Variants in GIGYF1 observed in about 807,000 individuals in gnomAD.
GIGYF1 encodes GRB10-interacting GYF protein 1.
A neutral mutation model predicts 147.1 loss-of-function variants in GIGYF1; 84 were observed. The ratio of observed to expected loss-of-function variants is 0.57; its 90% CI spans 0.48 to 0.68. The LOEUF (loss-of-function observed/expected upper bound fraction) is 0.68. Among genes scored for constraint, GIGYF1 ranks in the 30% least tolerant of loss-of-function variants. The probability of loss-of-function intolerance (pLI) is 0.00; values close to 1 mark genes in which losing one functional copy is unlikely to be tolerated. For missense variants in GIGYF1, 1,485 were observed against 1,393.7 expected, an observed-to-expected ratio of 1.07 and a Z score of -1.04; for synonymous variants, 752 against 589.5, an observed-to-expected ratio of 1.28 and a Z score of -3.99.
chr7:100,682,824 A>T, intron 22 of GIGYF1, 47 bp from the exon 23 acceptor site: 1 of 1,496,910 alleles, frequency 6.7e-7, no homozygotes. Context: ...GGCACCCCAG[A>T]AAAGCGGATG....
Position 100,686,053 on chromosome 7 carries a change from C to T in GIGYF1, c.975G>A (p.Glu325=), listed in dbSNP as rs768847572. 41 of 1,612,712 alleles carry T rather than the reference C, an allele frequency of 2.5e-5. No individual in the cohort carries two copies. The highest frequency in any genetic ancestry group is 3.0e-5 in the Non-Finnish European group (35 of 1,179,960). The stretch of plus-strand genomic sequence containing the variant: ...ACCCTTGGAAGTCCAGCTCCTGCTC[C>T]TCAGGAATGGGCTCCTTGGGGCCCT... ...LKKGPKEPIP[E]EQELDFQGLE... The change falls in exon 12 of 27, where the codon GAG becomes GAA. Residue 325 remains glutamate (E), a synonymous_variant. Coordinates refer to ENST00000678049, the MANE Select transcript of GIGYF1 (RefSeq NM_001375765.1).
chr7:100,690,592 GC>G (rs1440574094), intron 1 of GIGYF1, among the ~76,000 whole-genome samples: 1 of 152,108 alleles, frequency 6.6e-6, no homozygotes, highest in East Asian at 1.9e-4. Flanking sequence ...GACCAGCCTG[GC>G]CAACGTGGCA....
intron 8 of GIGYF1, 38 bp downstream of exon 8, chr7:100,687,260 C>T (rs1382423523): frequency 1.3e-6 from 2 of 1,590,312 alleles, no homozygotes. Context: ...CCCTCCCTGG[C>T]CTGCCCGGCT....
chr7:100,682,282 G>C, intron 24 of GIGYF1, 40 bp downstream of exon 24: 1 of 1,608,320 alleles, frequency 6.2e-7, no homozygotes, highest in Non-Finnish European at 8.5e-7. Flanking sequence ...CGGGTCTGGA[G>C]ACCCAGGTCC....
chr7:100,684,691 C>T (rs1805144698), intron 15 of GIGYF1, 32 bp downstream of exon 15: 1 of 1,611,018 alleles, frequency 6.2e-7, no homozygotes, highest in Non-Finnish European at 8.5e-7. Context: ...ACCAGAACGG[C>T]CTTGAGCAGC....
At position 100,682,256 on chromosome 7, in the gene GIGYF1, G is replaced by C. The variant is rs771162903; in HGVS notation, c.2762-21C>G. On this transcript the variant is annotated intron_variant, in intron 24 of 26. Transcript: ENST00000678049. ...GGGCACTGCAGGATGAGCGAAGGCT[G>C]TCAGGGCCCCCTGGCCGGGTCTGGA... The C allele has an allele frequency of 1.9e-5, 31 of 1,608,644 alleles. 1 individual carries two copies. In the South Asian group the frequency reaches 2.2e-4, roughly 11 times the overall value.
At position 100,682,253 on chromosome 7, in the gene GIGYF1, G is replaced by A. The variant is rs749471011; in HGVS notation, c.2762-18C>T. ...CATGGGCACTGCAGGATGAGCGAAG[G>A]CTGTCAGGGCCCCCTGGCCGGGTCT... On this transcript the variant is annotated intron_variant, in intron 24 of 26. Transcript: ENST00000678049. 9.9e-6 allele frequency: 16 copies of A among 1,608,592 alleles called. No individual in the cohort carries two copies. In the South Asian group the frequency reaches 1.2e-4, roughly 12 times the overall value.
chr7:100,685,563 G>T, intron 12 of GIGYF1, 82 bp from the exon 13 acceptor site: 2 of 1,497,314 alleles, frequency 1.3e-6, no homozygotes, highest in Non-Finnish European at 1.8e-6. Flanking sequence ...AGTGTGGCTG[G>T]AACCGCGGGT....
At chr7:100,688,342 C>T (rs1032595456) in intron 3 of GIGYF1, 35 bp from the exon 4 acceptor site, 17 of 1,017,050 alleles carry the variant, frequency 1.7e-5, no homozygotes, top group East Asian at 1.0e-4. Flanking sequence ...GAACAGCACA[C>T]GAAGGAGAAC....
rs1345694345 is a variant in GIGYF1 at position 100,685,387 on chromosome 7, C to A, written c.1149G>T (p.Gly383=). 1 of 1,593,836 alleles carries A rather than the reference C, an allele frequency of 6.3e-7. No individual in the cohort carries two copies. Among genetic ancestry groups the A allele is most frequent in the Non-Finnish European group, 8.5e-7 (1 of 1,175,088 alleles). ...PTLGPLWGTN[G]DGDETAEKEP... ...CTTTCTCTGCAGTTTCGTCCCCATC[C>A]CCGTTTGTCCCCCAGAGTGGGCCCA... Residue 383 remains glycine (G), a synonymous_variant, in exon 13 of 27, where the codon GGG becomes GGT. Coordinates refer to ENST00000678049, the MANE Select transcript of GIGYF1 (RefSeq NM_001375765.1).
chr7:100,686,895 C>A (rs1055002850), intron 9 of GIGYF1, 76 bp from the exon 10 acceptor site: 58 of 1,599,674 alleles, frequency 3.6e-5, no homozygotes, highest in Non-Finnish European at 5.0e-5. Context: ...GTTGGGGGGG[C>A]CAGCTCCAGG....
chr7:100,680,496 T>A lies in GIGYF1; in HGVS notation c.*1223A>T, dbSNP rs1026224019. ...CTGACCCAGGAGCCGCACACTTCTC[T>A]TCACCCCAACCTTACCCAACGGTAA... On this transcript the variant is annotated 3_prime_UTR_variant, in exon 27 of 27. Transcript: ENST00000678049. 6.6e-6 allele frequency: 1 copy of A among 152,596 alleles called. No homozygotes were observed. The highest frequency in any genetic ancestry group is 2.4e-5 in the African/African-American group (1 of 41,448). The allele number at this position is 152,596 out of a possible 1,614,324, so 9.5% of individuals were successfully genotyped here.
rs749710973 is a variant in GIGYF1 at position 100,682,637 on chromosome 7, C to G, written c.2553G>C (p.Leu851=). 3 of 1,598,164 alleles carry G rather than the reference C, an allele frequency of 1.9e-6. No individual in the cohort carries two copies. Among genetic ancestry groups the G allele is most frequent in the South Asian group, 2.2e-5 (2 of 89,728 alleles). The change falls in exon 23 of 27, where the codon CTG becomes CTC. Residue 851 remains leucine (L), a synonymous_variant. Coordinates refer to ENST00000678049, the MANE Select transcript of GIGYF1 (RefSeq NM_001375765.1). ...TGTTCTTCAGGCCGAGGCCACGGAC[C>G]AGGCTCCCGCCGCTCTTGGGGGTGT... ...WEDTPKSGGS[L]VRGLGLKNSR...
chr7:100,685,306 C>A lies in GIGYF1; in HGVS notation c.1192+38G>T. 3 of 1,556,556 alleles carry A rather than the reference C, an allele frequency of 1.9e-6. No homozygotes were observed. The South Asian group carries it at 3.7e-5, about 19-fold the overall frequency. On this transcript the variant is annotated intron_variant, in intron 13 of 26. Coordinates refer to ENST00000678049, the MANE Select transcript of GIGYF1 (RefSeq NM_001375765.1). Reference sequence around the variant, plus strand: ...GTGGGGAGCACTTTCTCCCACAGCCCCAGCGCACCCGGGAGGTAGGCCATC... The same window carrying A: ...GTGGGGAGCACTTTCTCCCACAGCCACAGCGCACCCGGGAGGTAGGCCATC...
In GIGYF1 at chr7:100,683,622, G is replaced by A; in HGVS notation, c.1980C>T (p.Ala660=). ...TSASSQSGGE[A]SLWDIPINSS... is the part of the protein sequence containing the mutation. ...AGTTAATTGGTATGTCCCAAAGACTGGCCTCACCACCTGCAGGGGGCAGGG... is the reference window on the plus strand; with the variant it reads ...AGTTAATTGGTATGTCCCAAAGACTAGCCTCACCACCTGCAGGGGGCAGGG... Residue 660 remains alanine, a synonymous_variant, in exon 20 of 27, where the codon GCC becomes GCT. Coordinates refer to ENST00000678049, the MANE Select transcript of GIGYF1 (RefSeq NM_001375765.1). 4 of 1,614,156 alleles carry A rather than the reference G, an allele frequency of 2.5e-6. No individual in the cohort carries two copies. The highest frequency in any genetic ancestry group is 2.2e-5 in the East Asian group (1 of 44,878).
Position 100,683,148 on chromosome 7 carries a change from G to A in GIGYF1, c.2276C>T (p.Pro759Leu), listed in dbSNP as rs752069062. 2.3e-5 allele frequency: 37 copies of A among 1,599,054 alleles called. No homozygotes were observed. The South Asian group carries it at 3.4e-4, about 15-fold the overall frequency. ...CTGCTTGGCCAGGCCAGCCCAGAGT[G>A]GGGGCGGGGAGCTGGGTGCGGGGGG... ...PVPPAPSSPPPLWAGLAKQGL... is the reference protein window; with the variant it reads ...PVPPAPSSPPLLWAGLAKQGL... The change falls in exon 22 of 27, where the codon CCA (proline) becomes CTA (leucine). Residue 759 changes from proline to leucine, a missense_variant. By Grantham distance (98) the Pro-to-Leu change is moderately conservative. Coordinates refer to ENST00000678049, the MANE Select transcript of GIGYF1 (RefSeq NM_001375765.1).
At chr7:100,688,360 C>T (rs1805577487) in intron 3 of GIGYF1, 53 bp from the exon 4 acceptor site, 6 of 848,146 alleles carry the variant, frequency 7.1e-6, no homozygotes, top group South Asian at 3.1e-5. Flanking sequence ...AACTTTAAAG[C>T]GCAGGGAGGA....
In GIGYF1 at chr7:100,686,710, G is replaced by A. The variant is rs1562880568; in HGVS notation, c.633C>T (p.Gly211=). 6 of 1,613,388 alleles carry A rather than the reference G, an allele frequency of 3.7e-6. No homozygotes were observed. Among genetic ancestry groups the A allele is most frequent in the Admixed American group, 1.7e-5 (1 of 59,996 alleles). ...LREEQEEEEE[G]SWRLGAGPRR... ...GGGGCCCTGCTCCGAGCCTCCAGCT[G>A]CCCTCCTCCTCCTCCTCCTGTTCCT... The change falls in exon 10 of 27, where the codon GGC becomes GGT. Residue 211 remains glycine (G), a synonymous_variant. Coordinates refer to ENST00000678049, the MANE Select transcript of GIGYF1 (RefSeq NM_001375765.1).
Position 100,683,070 on chromosome 7 carries a change from A to G in GIGYF1, c.2354T>C (p.Leu785Pro). ...LELQLEGERQ[L>P]HKQPPPREPA... ...CTCCCGAGGTGGGGGCTGTTTGTGC[A>G]GCTGCCGCTCGCCCTCCAGCTGCAA... is the stretch of plus-strand genomic sequence containing the variant. The change falls in exon 22 of 27, where the codon CTG becomes CCG. Residue 785 changes from leucine (L) to proline (P), a missense_variant. Transcript: ENST00000678049. The G allele has an allele frequency of 6.3e-7, 1 of 1,579,326 alleles. No individual in the cohort carries two copies. Among genetic ancestry groups the G allele is most frequent in the South Asian group, 1.1e-5 (1 of 88,890 alleles).
Sources: allele counts gnomAD v4.1 joint callset (sites outside exome capture counted in the v4.1 genomes callset), GRCh38; gene constraint gnomAD v4.1.1; transcripts MANE v1.5; gene names NCBI Gene and HGNC (gene_info 2026-07-23, HGNC 2026-07-21).